NRXN1: variants seen among roughly 807,000 people sequenced by gnomAD.
NRXN1 encodes the protein neurexin 1.
NRXN1 carries 39 observed loss-of-function variants against 150.9 expected under a neutral mutation model. The observed-to-expected ratio is 0.26, with a 90% CI of 0.20 to 0.34. NRXN1 has a LOEUF of 0.34. Ranked by LOEUF, NRXN1 falls within the 10% of genes least tolerant of loss-of-function variation. The pLI, the probability that NRXN1 is intolerant of heterozygous loss-of-function variation, is 1.00. For synonymous variants in NRXN1, 924 were observed against 757.0 expected (o/e 1.22, Z -3.62); for missense variants, 1,815 against 1,949.9 (o/e 0.93, Z 1.30).
chr2:50,223,941 A>G (rs902786731), intron 18 of NRXN1, among the ~76,000 whole-genome samples: 2 of 151,920 alleles, frequency 1.3e-5, no homozygotes, highest in Non-Finnish European at 2.9e-5. Flanking sequence ...ATACCCTCCT[A>G]GCAGTATTAG....
At chr2:50,838,488 T>C (rs1033769703) in intron 5 of NRXN1, among the ~76,000 whole-genome samples, 11 of 152,110 alleles carry the variant, frequency 7.2e-5, no homozygotes, top group African/African-American at 2.7e-4. Context: ...GAGTATGCTA[T>C]AAGCCTAACC....
At chr2:50,588,436 G>A (rs1180755286) in intron 8 of NRXN1, among the ~76,000 whole-genome samples, 2 of 152,110 alleles carry the variant, frequency 1.3e-5, no homozygotes, top group Non-Finnish European at 2.9e-5. Flanking sequence ...AACATATACA[G>A]TGTGTATAAA....
chr2:51,027,603 T>C lies in NRXN1; in HGVS notation c.671A>G (p.Glu224Gly), dbSNP rs1246127705. 6.3e-7 allele frequency: 1 copy of C among 1,591,996 alleles called. No homozygotes were observed. The highest frequency in any genetic ancestry group is 8.6e-7 in the Non-Finnish European group (1 of 1,169,582). The change falls in exon 2 of 23, where the codon GAG becomes GGG. Residue 224 changes from glutamate to glycine, a missense_variant. Coordinates refer to ENST00000401669, the MANE Select transcript of NRXN1 (RefSeq NM_001330078.2). ...GSPCEAGEEGEGGVCLNGGVC... is the reference protein window; with the variant it reads ...GSPCEAGEEGGGGVCLNGGVC... ...ACCTCCGTTGAGGCACACCCCGCCC[T>C]CGCCCTCCTCGCCCGCCTCGCACGG...
chr2:50,098,849 T>TGGCTCG (rs1558874712), intron 18 of NRXN1, among the ~76,000 whole-genome samples: 1 of 16,796 alleles, frequency 6.0e-5, no homozygotes, highest in Non-Finnish European at 1.5e-4. Flanking sequence ...TTTTTTTTTT[T>TGGCTCG]TTTTTTTTTT....
At chr2:50,424,884 AT>A (rs1466447035) in intron 17 of NRXN1, among the ~76,000 whole-genome samples, 3 of 152,288 alleles carry the variant, frequency 2.0e-5, no homozygotes, top group Non-Finnish European at 4.4e-5. Context: ...ATTGCATAAT[AT>A]TTTTCTGTTA....
At chr2:50,408,710 A>G (rs1261120490) in intron 17 of NRXN1, among the ~76,000 whole-genome samples, 3 of 152,064 alleles carry the variant, frequency 2.0e-5, no homozygotes, top group Non-Finnish European at 4.4e-5. Flanking sequence ...ATGAATTTAC[A>G]TTCTACACCT....
chr2:50,985,398 G>A (rs775991780), intron 2 of NRXN1: 7 of 151,700 alleles, frequency 4.6e-5, no homozygotes, highest in South Asian at 4.1e-4. Flanking sequence ...AAACCATAAC[G>A]GAATCAGACT....
rs567289326 is a variant in NRXN1 at position 50,479,907 on chromosome 2, G to A, written c.3071-7436C>T. On this transcript the variant is annotated intron_variant, in intron 15 of 22. Coordinates refer to ENST00000401669, the MANE Select transcript of NRXN1 (RefSeq NM_001330078.2). The stretch of plus-strand genomic sequence containing the variant: ...TCCTGCCTCAGCCTCCAGAGTAGCT[G>A]GGATTACAGGTCTATGCCATTACAC... Among the ~76,000 whole-genome samples the A allele has an allele frequency of 2.6e-5, 4 of 151,058 alleles. No individual in the cohort carries two copies. In the East Asian group the frequency reaches 7.9e-4, roughly 30 times the overall value.
chr2:50,754,668 A>C (rs1700976400), intron 5 of NRXN1, among the ~76,000 whole-genome samples: 1 of 151,844 alleles, frequency 6.6e-6, no homozygotes, highest in Non-Finnish European at 1.5e-5. Context: ...ACTCTGCCGA[A>C]AGCTTCCAGC....
At chr2:50,627,008 G>C (rs561597178) in intron 5 of NRXN1, among the ~76,000 whole-genome samples, 1 of 151,792 alleles carries the variant, frequency 6.6e-6, no homozygotes, top group South Asian at 2.1e-4. Flanking sequence ...TTAGTATTCA[G>C]GAAATGGTAA....
chr2:50,099,574 T>C (rs1247996222), intron 18 of NRXN1, among the ~76,000 whole-genome samples: 1 of 152,178 alleles, frequency 6.6e-6, no homozygotes, highest in African/African-American at 2.4e-5. Context: ...CTGTTAGCTA[T>C]TAGCATTATT....
chr2:49,928,172 C>T (rs903329843), intron 22 of NRXN1, among the ~76,000 whole-genome samples: 1 of 150,814 alleles, frequency 6.6e-6, no homozygotes, highest in African/African-American at 2.4e-5. Context: ...AGGAGGGGAC[C>T]ATAAGGGATC....
intron 17 of NRXN1, among the ~76,000 whole-genome samples, chr2:50,266,945 A>C (rs922261610): frequency 6.6e-6 from 1 of 152,164 alleles, no homozygotes; most frequent in Non-Finnish European, 1.5e-5. Flanking sequence ...CTAAAACTCA[A>C]CTTCATCTCT....
intron 13 of NRXN1, among the ~76,000 whole-genome samples, chr2:50,501,643 T>TAA (rs376104716): frequency 2.0e-5 from 3 of 147,046 alleles, no homozygotes; most frequent in Non-Finnish European, 1.5e-5. Flanking sequence ...ACACACAGAT[T>TAA]AAAAAAAAAA....
intron 21 of NRXN1, among the ~76,000 whole-genome samples, chr2:50,031,541 T>C (rs892154180): frequency 2.0e-5 from 3 of 152,190 alleles, no homozygotes; most frequent in Non-Finnish European, 4.4e-5. Context: ...TCACAATATA[T>C]GGAATTTAGA....
chr2:49,990,098 A>C (rs747585705), intron 21 of NRXN1, among the ~76,000 whole-genome samples: 2 of 151,610 alleles, frequency 1.3e-5, no homozygotes, highest in Non-Finnish European at 2.9e-5. Context: ...CCAAGCAATA[A>C]ATTTAAAAAA....
chr2:51,017,686 T>C (rs1302128385), intron 2 of NRXN1, among the ~76,000 whole-genome samples: 1 of 151,908 alleles, frequency 6.6e-6, no homozygotes, highest in African/African-American at 2.4e-5. Flanking sequence ...ATGTATACTC[T>C]TACACATTTC....
intron 12 of NRXN1, among the ~76,000 whole-genome samples, chr2:50,509,364 A>T (rs1347222137): frequency 6.6e-6 from 1 of 152,278 alleles, no homozygotes; most frequent in Middle Eastern, 3.4e-3. Context: ...CCCTCTGCAC[A>T]AGTCCTGGTG....
chr2:50,044,466 T>C (rs1258091038), intron 21 of NRXN1, among the ~76,000 whole-genome samples: 1 of 152,174 alleles, frequency 6.6e-6, no homozygotes, highest in East Asian at 1.9e-4. Context: ...ATGTGGATAA[T>C]TCCAGAGTGA....
Sources: gnomAD v4.1 joint callset for allele counts (sites outside exome capture counted in the v4.1 genomes callset) on GRCh38, gnomAD v4.1.1 for gene constraint, MANE v1.5 for transcripts, NCBI Gene and HGNC (gene_info 2026-07-23, HGNC 2026-07-21) for gene names.